The following NEGR1 variants were observed in gnomAD, a reference collection of about 807,000 sequenced individuals.
The protein encoded by NEGR1 is neuronal growth regulator 1.
A neutral mutation model predicts 40.9 loss-of-function variants in NEGR1; 10 were observed. The observed-to-expected ratio is 0.24, with a 90% CI of 0.15 to 0.42. The LOEUF is 0.42. Among genes scored for constraint, NEGR1 ranks in the 10% least tolerant of loss-of-function variants. The pLI is 1.00. For synonymous variants in NEGR1, 185 were observed against 166.8 expected (o/e 1.11, Z -0.84); for missense variants, 352 against 438.9 (o/e 0.80, Z 1.77).
At chr1:72,113,903 A>T (rs1396035382) in intron 1 of NEGR1, among the ~76,000 whole-genome samples, 4 of 151,704 alleles carry the variant, frequency 2.6e-5, no homozygotes, top group Non-Finnish European at 3.0e-5. Context: ...CAATCAGGGC[A>T]CTGTTGCTGT....
rs1489702226 is a variant in NEGR1 at position 71,698,001 on chromosome 1, C to A, written c.667+7G>T. On this transcript the variant is annotated splice_region_variant and intron_variant, in intron 4 of 6. Transcript: ENST00000357731. ...AACTTATCTTGATAAAAGGTGATGA[C>A]ACTTACAGTTGACAACAACTTTTAC... 6.2e-7 allele frequency: 1 copy of A among 1,609,614 alleles called. No individual in the cohort carries two copies. The highest frequency in any genetic ancestry group is 8.5e-7 in the Non-Finnish European group (1 of 1,177,376).
At chr1:71,760,681 T>C (rs137996944) in intron 3 of NEGR1, among the ~76,000 whole-genome samples, 25 of 152,316 alleles carry the variant, frequency 1.6e-4, no homozygotes, top group African/African-American at 6.0e-4. Context: ...CAGCATAATT[T>C]GCCGGTTTTA....
At chr1:71,462,651 C>G (rs1164676912) in intron 6 of NEGR1, among the ~76,000 whole-genome samples, 1 of 152,112 alleles carries the variant, frequency 6.6e-6, no homozygotes, top group East Asian at 1.9e-4. Flanking sequence ...GTGTTGAAAA[C>G]AATAACCCCA....
chr1:71,622,950 A>C (rs1650656523), intron 4 of NEGR1, among the ~76,000 whole-genome samples: 1 of 151,828 alleles, frequency 6.6e-6, no homozygotes, highest in Non-Finnish European at 1.5e-5. Flanking sequence ...TGAATGGTTT[A>C]TTATTTCTTC....
intron 2 of NEGR1, among the ~76,000 whole-genome samples, chr1:71,871,983 C>T (rs1660291964): frequency 6.6e-6 from 1 of 152,180 alleles, no homozygotes; most frequent in South Asian, 2.1e-4. Flanking sequence ...CAAATACTTT[C>T]AGCAGACCAA....
At position 71,928,049 on chromosome 1, in the gene NEGR1, C is replaced by CACATAT. The variant is rs762927832; in HGVS notation, c.409+7029_409+7030insATATGT. On this transcript the variant is annotated intron_variant, in intron 2 of 6. Transcript: ENST00000357731. Reference sequence around the variant, plus strand: ...AAATACACACACACACACACACACACGTATATATATACACACACACATATG... The same window carrying CACATAT: ...AAATACACACACACACACACACACACACATATGTATATATATACACACACACATATG... Among the ~76,000 whole-genome samples, 11 of 86,200 alleles carry CACATAT rather than the reference C, an allele frequency of 1.3e-4. 1 individual carries two copies. Among genetic ancestry groups the CACATAT allele is most frequent in the African/African-American group, 4.4e-4 (9 of 20,372 alleles). 56.6% of individuals were successfully genotyped at this position (86,200 alleles called of 152,430 possible).
chr1:71,868,463 AT>A (rs1488646813), intron 2 of NEGR1, among the ~76,000 whole-genome samples: 13 of 92,770 alleles, frequency 1.4e-4, no homozygotes, highest in African/African-American at 4.3e-4. Flanking sequence ...AGATAGATAG[AT>A]AGACAGAATA....
At chr1:71,829,917 A>T (rs1192782617) in intron 2 of NEGR1, among the ~76,000 whole-genome samples, 2 of 151,978 alleles carry the variant, frequency 1.3e-5, no homozygotes, top group African/African-American at 4.8e-5. Flanking sequence ...TTGCATGTAT[A>T]GTCTGCCTAC....
chr1:71,774,686 CAA>C (rs5775089), intron 3 of NEGR1, among the ~76,000 whole-genome samples: 3 of 151,400 alleles, frequency 2.0e-5, no homozygotes, highest in Non-Finnish European at 2.9e-5. Flanking sequence ...GGTATTTTCA[CAA>C]AAAAAAAATA....
intron 6 of NEGR1, among the ~76,000 whole-genome samples, chr1:71,515,915 G>A (rs1318455847): frequency 4.8e-5 from 1 of 20,652 alleles, no homozygotes; most frequent in Non-Finnish European, 8.4e-5. Flanking sequence ...AAAAGGCAGG[G>A]GTTGCAATCC....
intron 1 of NEGR1, among the ~76,000 whole-genome samples, chr1:72,036,823 A>G (rs545405231): frequency 6.6e-6 from 1 of 152,164 alleles, no homozygotes; most frequent in Admixed American, 6.5e-5. Flanking sequence ...GGCCAAAATA[A>G]CTGCAAATAA....
intron 2 of NEGR1, among the ~76,000 whole-genome samples, chr1:71,779,285 A>G (rs141421691): frequency 6.6e-6 from 1 of 152,324 alleles, no homozygotes; most frequent in African/African-American, 2.4e-5. Context: ...TGAAGGGAAT[A>G]ATTCTTGACC....
At chr1:71,867,053 AG>A (rs1354324178) in intron 2 of NEGR1, among the ~76,000 whole-genome samples, 1 of 152,174 alleles carries the variant, frequency 6.6e-6, no homozygotes, top group Non-Finnish European at 1.5e-5. Context: ...AATACTGAAA[AG>A]AAAGATACAT....
At chr1:71,419,180 A>G (rs1416956170) in intron 6 of NEGR1, among the ~76,000 whole-genome samples, 3 of 152,166 alleles carry the variant, frequency 2.0e-5, no homozygotes, top group Non-Finnish European at 4.4e-5. Context: ...CCAGTGTTCC[A>G]AAATTCCTTC....
intron 4 of NEGR1, among the ~76,000 whole-genome samples, chr1:71,685,033 T>C (rs1652983893): frequency 1.3e-5 from 2 of 152,212 alleles, no homozygotes; most frequent in South Asian, 4.1e-4. Context: ...TTGTTTATTA[T>C]ATCGGTATAT....
intron 2 of NEGR1, among the ~76,000 whole-genome samples, chr1:71,905,210 C>T (rs556436543): frequency 2.4e-4 from 37 of 151,990 alleles, no homozygotes; most frequent in Middle Eastern, 3.4e-3. Flanking sequence ...TTTTAACACA[C>T]AAAATAAGCT....
chr1:71,803,509 A>C lies in NEGR1; in HGVS notation c.410-27212T>G, dbSNP rs1224124086. On this transcript the variant is annotated intron_variant, in intron 2 of 6. Coordinates refer to ENST00000357731, the MANE Select transcript of NEGR1 (RefSeq NM_173808.3). ...TCCTGTTGCTTTTCCAATATAATCT[A>C]TTACTATTTTTCTACCAGCTCCATT... Among the ~76,000 whole-genome samples the C allele has an allele frequency of 2.6e-5, 4 of 152,098 alleles. No individual in the cohort carries two copies. In the East Asian group the frequency reaches 7.7e-4, roughly 29 times the overall value.
chr1:71,685,007 C>A (rs1276357532), intron 4 of NEGR1, among the ~76,000 whole-genome samples: 1 of 152,108 alleles, frequency 6.6e-6, no homozygotes, highest in Non-Finnish European at 1.5e-5. Context: ...GTTTGTCTTA[C>A]ACAAGCAATA....
chr1:72,042,579 A>G lies in NEGR1; in HGVS notation c.177-107268T>C, dbSNP rs116412206. On this transcript the variant is annotated intron_variant, in intron 1 of 6. Transcript: ENST00000357731. ...ACTCTTTGCTTTTTATCTCCCTTCA[A>G]CCTACCCTCTTCCCCATCAACTCTG... 6.3e-3 allele frequency among the ~76,000 whole-genome samples: 965 copies of G among 152,036 alleles called. 15 individuals are homozygous for G. The highest frequency in any genetic ancestry group is 0.022 in the African/African-American group (922 of 41,504).
Sources: allele counts gnomAD v4.1 joint callset (sites outside exome capture counted in the v4.1 genomes callset), GRCh38; gene constraint gnomAD v4.1.1; transcripts MANE v1.5; gene names NCBI Gene and HGNC (gene_info 2026-07-23, HGNC 2026-07-21).